The following HNF1A variants were observed in gnomAD, a reference collection of about 807,000 sequenced individuals.
HNF1A encodes HNF1 homeobox A.
Under a neutral mutation model 62.2 loss-of-function variants are expected in HNF1A, and 21 were observed. The ratio of observed to expected loss-of-function variants is 0.34; its 90% CI spans 0.24 to 0.49. The LOEUF (loss-of-function observed/expected upper bound fraction) is 0.49. HNF1A is among the 20% of genes least tolerant of loss of function. HNF1A has a pLI of 0.99. For synonymous variants in HNF1A, 374 were observed against 366.8 expected, an observed-to-expected ratio of 1.02 and a Z score of -0.22; for missense variants, 687 against 832.3, an observed-to-expected ratio of 0.83 and a Z score of 2.15.
chr12:120,979,961 T>C (rs971516193), intron 1 of HNF1A, among the ~76,000 whole-genome samples: 1 of 151,544 alleles, frequency 6.6e-6, no homozygotes, highest in African/African-American at 2.4e-5. Flanking sequence ...GGGTGGGGGA[T>C]GGGGGTGTGG....
At position 120,999,407 on chromosome 12, in the gene HNF1A, T is replaced by C; in HGVS notation, c.1623+18T>C. ...CCAAGCAGGTAAGGTCCAGGCCTGC[T>C]GGCCCTCCCTTGGCCTGTGACAGAG... is the stretch of plus-strand genomic sequence containing the variant. On this transcript the variant is annotated intron_variant, in intron 8 of 9. Coordinates refer to ENST00000257555, the MANE Select transcript of HNF1A (RefSeq NM_000545.8). 5.0e-6 allele frequency: 8 copies of C among 1,613,792 alleles called. No individual in the cohort carries two copies. Among genetic ancestry groups the C allele is most frequent in the Non-Finnish European group, 6.8e-6 (8 of 1,179,926 alleles).
Position 120,996,827 on chromosome 12 carries a change from C to CTCATTCATTCATTCAT in HNF1A, c.1309+86_1309+101dup, listed in dbSNP as rs58371019. Reference sequence around the variant, plus strand: ...CCAGGAGCTGGAAGAGCCACTGGGACTCATTCATTCATTCATACAACATGT... The same window carrying CTCATTCATTCATTCAT: ...CCAGGAGCTGGAAGAGCCACTGGGACTCATTCATTCATTCATTCATTCATTCATTCATACAACATGT... On this transcript the variant is annotated intron_variant, in intron 6 of 9. Coordinates refer to ENST00000257555, the MANE Select transcript of HNF1A (RefSeq NM_000545.8). This position sits in a 1 kb window ranked among gnomAD's most constrained non-coding sequence, Gnocchi z 4.5. The CTCATTCATTCATTCAT allele has an allele frequency of 2.0e-5, 30 of 1,530,582 alleles. 1 individual carries two copies. In the South Asian group the frequency reaches 2.5e-4, roughly 13 times the overall value. The allele number at this position is 1,530,582 out of a possible 1,614,324, so 94.8% of individuals were successfully genotyped here. A position where few individuals can be genotyped will look rare whatever the true frequency, so the allele number is the denominator to read the frequency against.
Position 120,999,631 on chromosome 12 carries a change from A to G in HNF1A, c.1768+4A>G. The G allele has an allele frequency of 1.9e-6, 3 of 1,607,856 alleles. No individual in the cohort carries two copies. ...CGGCTCAGCGCCAGCCCCACAGGTGAGAGGCCCTGGCTCCACCCCCTCCCT... is the reference window on the plus strand; with the variant it reads ...CGGCTCAGCGCCAGCCCCACAGGTGGGAGGCCCTGGCTCCACCCCCTCCCT... On this transcript the variant is annotated splice_donor_region_variant and intron_variant, in intron 9 of 9. Coordinates refer to ENST00000257555, the MANE Select transcript of HNF1A (RefSeq NM_000545.8).
intron 7 of HNF1A, chr12:120,998,116 C>T: frequency 3.0e-6 from 1 of 333,690 alleles, no homozygotes; most frequent in Non-Finnish European, 5.8e-6. Context: ...CCCGTCTCTA[C>T]TAAAAGTACA....
chr12:120,998,280 CA>C (rs36059178), intron 7 of HNF1A: 77,572 of 140,224 alleles, frequency 0.55, 21,694 homozygotes, highest in Middle Eastern at 0.8. Context: ...AGTACTCTGC[CA>C]AAAAAAAAAA....
At chr12:120,991,566 C>T (rs1027965818) in intron 2 of HNF1A, among the ~76,000 whole-genome samples, 1 of 152,198 alleles carries the variant, frequency 6.6e-6, no homozygotes, top group African/African-American at 2.4e-5. Flanking sequence ...TGCACTCCAG[C>T]CTGGGTGACA....
chr12:120,988,761 C>T (rs1017484754), intron 1 of HNF1A, 72 bp from the exon 2 acceptor site: 2 of 1,436,592 alleles, frequency 1.4e-6, no homozygotes, highest in Non-Finnish European at 1.9e-6. Context: ...GGTTCCAGCA[C>T]CCAGGACCGC....
intron 7 of HNF1A, among the ~76,000 whole-genome samples, chr12:120,998,463 G>A (rs1191570888): frequency 1.3e-5 from 2 of 152,068 alleles, no homozygotes; most frequent in Admixed American, 1.3e-4. Flanking sequence ...GCTGGGTTTC[G>A]CCACCAAATG....
intron 1 of HNF1A, among the ~76,000 whole-genome samples, chr12:120,981,415 T>G (rs1876244625): frequency 6.6e-6 from 1 of 152,224 alleles, no homozygotes; most frequent in Non-Finnish European, 1.5e-5. Flanking sequence ...TTCCTCTCCT[T>G]CTGCCTCAGT....
intron 1 of HNF1A, among the ~76,000 whole-genome samples, chr12:120,979,374 G>A (rs1876134473): frequency 6.6e-6 from 1 of 152,206 alleles, no homozygotes; most frequent in Non-Finnish European, 1.5e-5. Flanking sequence ...TCCAAGATGG[G>A]AGAAAAAGCA....
At chr12:120,980,143 G>A (rs1329003797) in intron 1 of HNF1A, among the ~76,000 whole-genome samples, 2 of 152,188 alleles carry the variant, frequency 1.3e-5, no homozygotes, top group African/African-American at 2.4e-5. Flanking sequence ...GAAGCTATTG[G>A]TGACTCTGCT....
chr12:120,989,108 A>G (rs1429001764), intron 2 of HNF1A, 76 bp downstream of exon 2: 1 of 1,371,928 alleles, frequency 7.3e-7, no homozygotes, highest in Non-Finnish European at 1.0e-6. Flanking sequence ...GGGGGCTGGA[A>G]GCTTCACCAT....
chr12:120,986,461 G>A (rs570972953), intron 1 of HNF1A, among the ~76,000 whole-genome samples: 8 of 152,338 alleles, frequency 5.3e-5, no homozygotes, highest in Admixed American at 1.3e-4. Flanking sequence ...TTCTAGAAGC[G>A]AATTGCTCAG....
chr12:120,997,800 G>C, intron 7 of HNF1A, 135 bp downstream of exon 7: 1 of 930,568 alleles, frequency 1.1e-6, no homozygotes, highest in Non-Finnish European at 1.7e-6. Flanking sequence ...GTGATTGAGG[G>C]TGTCTGCAGG....
At chr12:120,999,137 C>A in intron 7 of HNF1A, 131 bp from the exon 8 acceptor site, 1 of 1,114,812 alleles carries the variant, frequency 9.0e-7, no homozygotes, top group Non-Finnish European at 1.4e-6. Context: ...GAAAATCAGC[C>A]CTGGATCTCC....
rs750897215 is a variant in HNF1A at position 120,999,570 on chromosome 12, G to A, written c.1711G>A (p.Asp571Asn). The change falls in exon 9 of 10, where the codon GAC (aspartate) becomes AAC (asparagine). Residue 571 changes from aspartate (D) to asparagine (N), a missense_variant. By Grantham distance (23) the Asp-to-Asn change is conservative. Transcript: ENST00000257555. ...CACCACCCTCCACGTCCCCAGCCAG[G>A]ACCCTGCCAGCATCCAGCACCTGCA... ...QATTLHVPSQ[D>N]PASIQHLQPA... 20 of 1,612,658 alleles carry A rather than the reference G, an allele frequency of 1.2e-5. No individual in the cohort carries two copies. Among genetic ancestry groups the A allele is most frequent in the Non-Finnish European group, 1.6e-5 (19 of 1,179,804 alleles).
chr12:120,994,151 G>A lies in HNF1A; in HGVS notation c.714-13G>A, dbSNP rs2135840997. The A allele has an allele frequency of 6.2e-7, 1 of 1,611,578 alleles. No homozygotes were observed. The highest frequency in any genetic ancestry group is 1.7e-5 in the Admixed American group (1 of 59,540). On this transcript the variant is annotated splice_polypyrimidine_tract_variant and intron_variant, in intron 3 of 9. Coordinates refer to ENST00000257555, the MANE Select transcript of HNF1A (RefSeq NM_000545.8). ...AGCCTGGCCTGGAGGCTCATGGGTG[G>A]CTATTTCTGCAGGGCGGAATGCATC...
chr12:120,995,279 CCACT>C (rs1176492626), intron 4 of HNF1A, among the ~76,000 whole-genome samples: 3 of 151,948 alleles, frequency 2.0e-5, no homozygotes, highest in Admixed American at 6.6e-5. Context: ...TCCATCCACT[CCACT>C]CACTCAACTC....
Position 120,996,300 on chromosome 12 carries a change from G to A in HNF1A, c.994G>A (p.Glu332Lys). 2 of 1,614,188 alleles carry A rather than the reference G, an allele frequency of 1.2e-6. No individual in the cohort carries two copies. The highest frequency in any genetic ancestry group is 1.7e-6 in the Non-Finnish European group (2 of 1,180,030). ...ACAGCCTGCGACCAGTGAGACTGCA[G>A]AAGTACCCTCAAGCAGCGGCGGTCC... ...YGQPATSETA[E>K]VPSSSGGPLV... The change falls in exon 5 of 10, where the codon GAA (glutamate) becomes AAA (lysine). Residue 332 changes from glutamate to lysine, a missense_variant. Physicochemically the swap from Glu to Lys is moderately conservative, Grantham distance 56. Around this residue, in one of 5 missense-constraint regions of HNF1A, gnomAD observed 408 missense variants for 455.3 expected, o/e 0.90. Transcript: ENST00000257555. The surrounding 1 kb of genome is among the most constrained non-coding windows in gnomAD (Gnocchi z 4.5).
Sources: allele counts gnomAD v4.1 joint callset (sites outside exome capture counted in the v4.1 genomes callset), GRCh38; gene constraint gnomAD v4.1.1; regional missense constraint gnomAD v4.1.1; non-coding constraint Gnocchi (gnomAD v3.1); transcripts MANE v1.5; gene names NCBI Gene and HGNC (gene_info 2026-07-23, HGNC 2026-07-21).